FRAS1: variants seen among roughly 807,000 people sequenced by gnomAD.
FRAS1 encodes the protein extracellular matrix organizing protein FRAS1.
A neutral mutation model predicts 435.2 loss-of-function variants in FRAS1; 290 were observed. That is an observed-to-expected ratio of 0.67 (90% CI 0.61 to 0.73). The LOEUF (loss-of-function observed/expected upper bound fraction) is 0.73. Among genes scored for constraint, FRAS1 ranks in the 30% least tolerant of loss-of-function variants. The pLI is 0.00. For synonymous variants in FRAS1, 1,800 were observed against 1,851.0 expected (o/e 0.97, Z 0.71); for missense variants, 4,860 against 5,001.5 (o/e 0.97, Z 0.85).
chr4:78,270,507 C>A (rs763221640), intron 9 of FRAS1, among the ~76,000 whole-genome samples: 2 of 151,832 alleles, frequency 1.3e-5, no homozygotes, highest in Non-Finnish European at 2.9e-5. Flanking sequence ...ATTTCCCTCC[C>A]ACAATTTTTT....
chr4:78,417,091 T>C (rs973150512), intron 32 of FRAS1, among the ~76,000 whole-genome samples: 1 of 152,242 alleles, frequency 6.6e-6, no homozygotes, highest in Non-Finnish European at 1.5e-5. Context: ...TCTAAGTAGC[T>C]AATATTAAAA....
At chr4:78,065,083 T>G (rs551299433) in intron 1 of FRAS1, among the ~76,000 whole-genome samples, 1 of 140,596 alleles carries the variant, frequency 7.1e-6, no homozygotes, top group Non-Finnish European at 1.5e-5. Flanking sequence ...TATATATATA[T>G]ACATACACAC....
intron 2 of FRAS1, among the ~76,000 whole-genome samples, chr4:78,111,653 G>C (rs924309969): frequency 8.6e-6 from 1 of 116,880 alleles, no homozygotes; most frequent in African/African-American, 3.4e-5. Context: ...CCTAATGCTA[G>C]ATGACACATT....
rs1429494974 is a variant in FRAS1, at chr4:78,281,386, C to G, written c.1072-12C>G. 6.4e-7 allele frequency: 1 copy of G among 1,558,310 alleles called. No homozygotes were observed. The highest frequency in any genetic ancestry group is 8.7e-7 in the Non-Finnish European group (1 of 1,150,820). On this transcript the variant is annotated splice_polypyrimidine_tract_variant and intron_variant, in intron 10 of 73. Coordinates refer to ENST00000512123, the MANE Select transcript of FRAS1 (RefSeq NM_025074.7). Reference sequence around the variant, plus strand: ...TTAGTGGCATAATAAAGACATTTCTCTTTGTTCCTAGATGTCATCAAATGC... The same window carrying G: ...TTAGTGGCATAATAAAGACATTTCTGTTTGTTCCTAGATGTCATCAAATGC...
chr4:78,359,130 C>A (rs1730975371), intron 20 of FRAS1, among the ~76,000 whole-genome samples: 1 of 152,108 alleles, frequency 6.6e-6, no homozygotes. Flanking sequence ...AAAAATAAAA[C>A]CTCTAGATCC....
chr4:78,359,357 G>A (rs1029560048), intron 20 of FRAS1, among the ~76,000 whole-genome samples: 13 of 152,104 alleles, frequency 8.5e-5, no homozygotes, highest in Non-Finnish European at 1.8e-4. Context: ...GCTTCTTTCC[G>A]TGGAGATCGT....
At position 78,438,738 on chromosome 4, in the gene FRAS1, T is replaced by C. The variant is rs1734529576; in HGVS notation, c.5366+20T>C. The C allele has an allele frequency of 6.4e-7, 1 of 1,559,168 alleles. No homozygotes were observed. Among genetic ancestry groups the C allele is most frequent in the Non-Finnish European group, 8.7e-7 (1 of 1,150,488 alleles). ...AATCAGGTACATAATCACTTTGTAT[T>C]ATTTGACAGATTCTTAAAAACTTGT... On this transcript the variant is annotated intron_variant, in intron 39 of 73. Coordinates refer to ENST00000512123, the MANE Select transcript of FRAS1 (RefSeq NM_025074.7).
chr4:78,491,360 A>AT (rs201848735), intron 59 of FRAS1, among the ~76,000 whole-genome samples: 1 of 151,674 alleles, frequency 6.6e-6, no homozygotes, highest in South Asian at 2.1e-4. Context: ...ACAAAAAAAA[A>AT]TTCAGGCCAA....
rs117369215 is a variant in FRAS1 at position 78,180,834 on chromosome 4, C to T, written c.109-56676C>T. 13,670 of 1,493,474 alleles carry T rather than the reference C, an allele frequency of 9.2e-3. 109 individuals carry two copies. Among genetic ancestry groups the T allele is most frequent in the Middle Eastern group, 0.025 (116 of 4,666 alleles). 92.5% of individuals were successfully genotyped at this position (1,493,474 alleles called of 1,614,324 possible). ...CAAAAGCTTTGAACAGAAGGGTTCACGAAGGAACCAGGGTTGTCTTATGGC... is the reference window on the plus strand; with the variant it reads ...CAAAAGCTTTGAACAGAAGGGTTCATGAAGGAACCAGGGTTGTCTTATGGC... On this transcript the variant is annotated intron_variant, in intron 2 of 73. Coordinates refer to ENST00000512123, the MANE Select transcript of FRAS1 (RefSeq NM_025074.7).
At chr4:78,381,266 A>G (rs903759972) in intron 27 of FRAS1, among the ~76,000 whole-genome samples, 1 of 152,188 alleles carries the variant, frequency 6.6e-6, no homozygotes, top group South Asian at 2.1e-4. Flanking sequence ...AGACTCTTCA[A>G]ATTCCTACTC....
At position 78,058,068 on chromosome 4, in the gene FRAS1, T is replaced by A; in HGVS notation, c.59T>A (p.Leu20Ter). The A allele has an allele frequency of 6.2e-7, 1 of 1,613,820 alleles. No individual in the cohort carries two copies. Among genetic ancestry groups the A allele is most frequent in the Admixed American group, 1.7e-5 (1 of 60,026 alleles). Residue 20 changes from leucine (L) to a stop codon, truncating the protein, a stop_gained, in exon 1 of 74, where the codon TTG (leucine) becomes TAG (stop). Transcript: ENST00000512123. LOFTEE classifies it high-confidence loss of function. ...CTAGCGTTGGCGGAATTTGCAGTAT[T>A]GCCTCATCATTCCGAAGGTGAGAGA... Reference protein sequence around the residue: ...LALALAEFAVLPHHSEGACVY... With the variant: ...LALALAEFAV
chr4:78,512,553 T>A (rs1177192384), intron 64 of FRAS1, among the ~76,000 whole-genome samples: 1 of 152,214 alleles, frequency 6.6e-6, no homozygotes. Flanking sequence ...CATGTTGCAG[T>A]CTTAACCAAT....
intron 59 of FRAS1, among the ~76,000 whole-genome samples, chr4:78,495,217 C>G (rs1720477844): frequency 6.6e-6 from 1 of 151,904 alleles, no homozygotes; most frequent in African/African-American, 2.4e-5. Flanking sequence ...AATATTAATT[C>G]CTTGCCAGTT....
At chr4:78,290,066 C>T (rs2110192325) in intron 14 of FRAS1, among the ~76,000 whole-genome samples, 1 of 152,228 alleles carries the variant, frequency 6.6e-6, no homozygotes, top group East Asian at 1.9e-4. Flanking sequence ...GGTGGGACCA[C>T]TGAACTGTGC....
Position 78,364,059 on chromosome 4 carries a change from G to C in FRAS1, c.2722+5G>C. The C allele has an allele frequency of 6.4e-7, 1 of 1,574,000 alleles. No homozygotes were observed. The highest frequency in any genetic ancestry group is 2.3e-5 in the East Asian group (1 of 43,050). On this transcript the variant is annotated splice_donor_5th_base_variant and intron_variant, in intron 22 of 73. Transcript: ENST00000512123. ...ATGACAATCATGTTTGCCAGCGTAG[G>C]TTTTTCCAATGAACCTTCTCTCCTT...
At chr4:78,277,390 C>T (rs1323135649) in intron 9 of FRAS1, among the ~76,000 whole-genome samples, 1 of 152,196 alleles carries the variant, frequency 6.6e-6, no homozygotes, top group African/African-American at 2.4e-5. Context: ...CAGAAATCAC[C>T]TGTCTTCTGC....
intron 2 of FRAS1, among the ~76,000 whole-genome samples, chr4:78,235,824 C>CA (rs1344361990): frequency 1.3e-5 from 2 of 152,242 alleles, no homozygotes; most frequent in African/African-American, 4.8e-5. Context: ...TGGTGCATGC[C>CA]AGTAGTCCCA....
chr4:78,161,865 C>T (rs1164398017), intron 2 of FRAS1, among the ~76,000 whole-genome samples: 1 of 150,626 alleles, frequency 6.6e-6, no homozygotes, highest in Non-Finnish European at 1.5e-5. Flanking sequence ...AATGAGGAGA[C>T]TTCTCTTCGC....
intron 2 of FRAS1, among the ~76,000 whole-genome samples, chr4:78,138,583 A>G (rs1018103930): frequency 6.6e-6 from 1 of 152,322 alleles, no homozygotes; most frequent in Non-Finnish European, 1.5e-5. Context: ...CAACTATTAT[A>G]TAATAATTCC....
Sources: gnomAD v4.1 joint callset for allele counts (sites outside exome capture counted in the v4.1 genomes callset) on GRCh38, gnomAD v4.1.1 for gene constraint, MANE v1.5 for transcripts, NCBI Gene and HGNC (gene_info 2026-07-23, HGNC 2026-07-21) for gene names.